NKAIN3: variants seen among roughly 807,000 people sequenced by gnomAD.
NKAIN3 encodes the protein sodium/potassium-transporting ATPase subunit beta-1-interacting protein 3.
A neutral mutation model predicts 30.2 loss-of-function variants in NKAIN3; 25 were observed. The observed-to-expected ratio is 0.83, with a 90% CI of 0.60 to 1.16. The LOEUF is 1.16. NKAIN3 is among the 50% of genes most tolerant of loss of function. The probability of loss-of-function intolerance (pLI) is 0.00; values close to 1 mark genes in which losing one functional copy is unlikely to be tolerated. For synonymous variants in NKAIN3, 91 were observed against 89.6 expected (o/e 1.02, Z -0.09); for missense variants, 225 against 254.1 (o/e 0.89, Z 0.78).
chr8:62,494,276 A>G, intron 1 of NKAIN3, among the ~76,000 whole-genome samples: 1 of 152,168 alleles, frequency 6.6e-6, no homozygotes, highest in African/African-American at 2.4e-5. Flanking sequence ...CTATTGAGAT[A>G]ATCATGTGGT....
At chr8:62,935,172 CACAAGT>C (rs1482915427) in intron 5 of NKAIN3, among the ~76,000 whole-genome samples, 1 of 152,140 alleles carries the variant, frequency 6.6e-6, no homozygotes, top group African/African-American at 2.4e-5. Context: ...TCCAACCAAA[CACAAGT>C]ACAAGTTCGT....
chr8:62,294,413 T>C (rs1813760921), intron 1 of NKAIN3, among the ~76,000 whole-genome samples: 1 of 152,218 alleles, frequency 6.6e-6, no homozygotes, highest in Admixed American at 6.5e-5. Flanking sequence ...TTGAAAAACT[T>C]TGATGGAGAG....
At chr8:62,880,896 A>G (rs1039857472) in intron 4 of NKAIN3, among the ~76,000 whole-genome samples, 2 of 152,210 alleles carry the variant, frequency 1.3e-5, no homozygotes, top group Non-Finnish European at 2.9e-5. Context: ...TCATTTCTGT[A>G]TATTTAATTT....
intron 4 of NKAIN3, among the ~76,000 whole-genome samples, chr8:62,809,359 G>A (rs981742745): frequency 2.0e-5 from 3 of 152,130 alleles, no homozygotes; most frequent in Admixed American, 2.0e-4. Flanking sequence ...GTATTGATTG[G>A]GGAAGTGATA....
intron 1 of NKAIN3, among the ~76,000 whole-genome samples, chr8:62,281,008 CT>C (rs61241229): frequency 6.6e-6 from 1 of 152,018 alleles, no homozygotes; most frequent in South Asian, 2.1e-4. Flanking sequence ...TGGTCCTGGA[CT>C]TTTTTTGGTT....
At chr8:62,887,519 T>C (rs887145700) in intron 4 of NKAIN3, among the ~76,000 whole-genome samples, 30 of 152,182 alleles carry the variant, frequency 2.0e-4, no homozygotes, top group African/African-American at 7.0e-4. Flanking sequence ...CCTTTTGTAG[T>C]TGTCCCACTG....
At chr8:62,645,943 T>C (rs937575678) in intron 3 of NKAIN3, among the ~76,000 whole-genome samples, 2 of 152,148 alleles carry the variant, frequency 1.3e-5, no homozygotes, top group Non-Finnish European at 2.9e-5. Flanking sequence ...AATTATATTC[T>C]ACTTTCCGAA....
chr8:62,451,949 C>T (rs1805653969), intron 1 of NKAIN3, among the ~76,000 whole-genome samples: 1 of 152,140 alleles, frequency 6.6e-6, no homozygotes. Context: ...AGACTGCTTG[C>T]TGCTTTATTT....
At chr8:62,331,276 A>G (rs1563936807) in intron 1 of NKAIN3, among the ~76,000 whole-genome samples, 1 of 151,514 alleles carries the variant, frequency 6.6e-6, no homozygotes, top group South Asian at 2.1e-4. Context: ...TAACTCCTAC[A>G]TGTTAGGAGT....
Position 62,566,773 on chromosome 8 carries a change from TAGA to T in NKAIN3, c.55-12765_55-12763del, listed in dbSNP as rs568074317. On this transcript the variant is annotated intron_variant, in intron 1 of 6. Transcript: ENST00000623646. ...GTATCTTGAATTTGATGAATGTCAG[TAGA>T]GCAGCTTGAAAATAAAAATCACTGC... 1.8e-3 allele frequency among the ~76,000 whole-genome samples: 267 copies of T among 152,206 alleles called. 1 individual carries two copies. The highest frequency in any genetic ancestry group is 6.1e-3 in the African/African-American group (252 of 41,538).
intron 1 of NKAIN3, among the ~76,000 whole-genome samples, chr8:62,506,476 CTTTTT>C (rs71255341): frequency 3.0e-5 from 3 of 98,438 alleles, no homozygotes; most frequent in African/African-American, 8.3e-5. Context: ...TTCTTTCTTT[CTTTTT>C]TTTTTTTTTT....
intron 6 of NKAIN3, among the ~76,000 whole-genome samples, chr8:62,961,077 C>T (rs777148212): frequency 6.6e-5 from 10 of 151,972 alleles, no homozygotes; most frequent in Non-Finnish European, 1.5e-4. Flanking sequence ...GTCAGGAGTT[C>T]GACACCAGCC....
intron 3 of NKAIN3, among the ~76,000 whole-genome samples, chr8:62,729,050 A>AAAAAAAAAAAAAAAAAAAAAAAAAAAAC (rs1192176170): frequency 7.0e-6 from 1 of 143,388 alleles, no homozygotes. Flanking sequence ...CAAAAAAAAA[A>AAAAAAAAAAAAAAAAAAAAAAAAAAAAC]AACCTCCTGC....
At chr8:62,881,568 T>C (rs762390382) in intron 4 of NKAIN3, among the ~76,000 whole-genome samples, 4 of 152,190 alleles carry the variant, frequency 2.6e-5, no homozygotes, top group African/African-American at 7.2e-5. Context: ...AGCAATAGTC[T>C]TCGTAGCTAG....
At chr8:62,256,616 G>A (rs1812269625) in intron 1 of NKAIN3, among the ~76,000 whole-genome samples, 1 of 152,104 alleles carries the variant, frequency 6.6e-6, no homozygotes, top group African/African-American at 2.4e-5. Context: ...TGCACATGTA[G>A]CATCTGGTGT....
intron 3 of NKAIN3, among the ~76,000 whole-genome samples, chr8:62,642,995 A>T (rs1812353682): frequency 6.6e-6 from 1 of 152,302 alleles, no homozygotes; most frequent in Non-Finnish European, 1.5e-5. Context: ...TTTTGTTCAG[A>T]TCATAATTTT....
intron 1 of NKAIN3, among the ~76,000 whole-genome samples, chr8:62,346,457 C>T (rs898697239): frequency 1.3e-5 from 2 of 152,030 alleles, no homozygotes; most frequent in Non-Finnish European, 1.5e-5. Flanking sequence ...ATTTGTAGAC[C>T]TTATGCAGCT....
intron 1 of NKAIN3, among the ~76,000 whole-genome samples, chr8:62,564,341 G>A (rs1302970656): frequency 6.6e-6 from 1 of 151,956 alleles, no homozygotes; most frequent in Non-Finnish European, 1.5e-5. Flanking sequence ...CTCAGCCAGA[G>A]TCCCACCCTC....
At chr8:62,737,238 G>GC (rs1373136368) in intron 3 of NKAIN3, among the ~76,000 whole-genome samples, 1 of 152,156 alleles carries the variant, frequency 6.6e-6, no homozygotes, top group East Asian at 1.9e-4. Flanking sequence ...ATTTTTTCCT[G>GC]CCAACCTCTC....
Sources: allele counts gnomAD v4.1 joint callset (sites outside exome capture counted in the v4.1 genomes callset), GRCh38; gene constraint gnomAD v4.1.1; transcripts MANE v1.5; gene names NCBI Gene and HGNC (gene_info 2026-07-23, HGNC 2026-07-21).